Variants in C22orf15 observed in about 807,000 individuals in gnomAD.
C22orf15 encodes chromosome 22 open reading frame 15.
A neutral mutation model predicts 20.3 loss-of-function variants in C22orf15; 21 were observed. That is an observed-to-expected ratio of 1.04 (90% CI 0.74 to 1.49). The LOEUF is 1.49. Among genes scored for constraint, C22orf15 ranks in the 40% most tolerant of loss-of-function variants. The probability of loss-of-function intolerance (pLI) is 0.00; values close to 1 mark genes in which losing one functional copy is unlikely to be tolerated. For missense variants in C22orf15, 170 were observed against 191.1 expected (o/e 0.89, Z 0.65); for synonymous variants, 78 against 75.4 (o/e 1.03, Z -0.18).
At chr22:23,763,479 T>A in intron 1 of C22orf15, 148 bp downstream of exon 1, 1 of 943,748 alleles carries the variant, frequency 1.1e-6, no homozygotes, top group Non-Finnish European at 1.5e-6. Flanking sequence ...AGCGGCTCTG[T>A]GAGGAGGCGA....
rs1284405483 is a variant in C22orf15, at chr22:23,764,462, C to T, written c.250+65C>T. The T allele has an allele frequency of 3.7e-6, 6 of 1,604,930 alleles. No individual in the cohort carries two copies. In the Admixed American group the frequency reaches 6.7e-5, roughly 18 times the overall value. On this transcript the variant is annotated intron_variant, in intron 3 of 5. Coordinates refer to ENST00000402217, the MANE Select transcript of C22orf15 (RefSeq NM_182520.3). The stretch of plus-strand genomic sequence containing the variant: ...GAATGTAAGAGGGGGGCATAGCAGA[C>T]CATAGACCACCCAAGGCCCTGTCCG...
rs1168934092 is a variant in C22orf15 at position 23,763,282 on chromosome 22, C to G, written c.-25C>G. The G allele has an allele frequency of 6.5e-7, 1 of 1,550,040 alleles. No individual in the cohort carries two copies. Among genetic ancestry groups the G allele is most frequent in the East Asian group, 2.5e-5 (1 of 40,792 alleles). On this transcript the variant is annotated 5_prime_UTR_variant, in exon 1 of 6. Transcript: ENST00000402217. ...CGAGAGTTGGGGGATCAAAGCCCCC[C>G]ACATCTCCCTCACCCGCTGCAGCTA...
chr22:23,764,437 G>A (rs779941168), intron 3 of C22orf15, 40 bp downstream of exon 3: 3 of 1,600,394 alleles, frequency 1.9e-6, no homozygotes, highest in Admixed American at 3.4e-5. Context: ...AGCTATGGTA[G>A]AATGTAAGAG....
rs558924782 is a variant in C22orf15 at position 23,764,131 on chromosome 22, C to T, written c.70C>T (p.Leu24Phe). Reference protein sequence around the residue: ...LVNTSCRLVNLTAHLRQKAGL... With the variant: ...LVNTSCRLVNFTAHLRQKAGL... ...GAACACCTCTTGCAGGCTGGTGAAC[C>T]TCACCGCCCACCTGAGGCAGAAAGC... Residue 24 changes from leucine (L) to phenylalanine (F), a missense_variant, in exon 2 of 6, where the codon CTC becomes TTC. Coordinates refer to ENST00000402217, the MANE Select transcript of C22orf15 (RefSeq NM_182520.3). The T allele has an allele frequency of 6.4e-7, 1 of 1,551,406 alleles. No individual in the cohort carries two copies. Among genetic ancestry groups the T allele is most frequent in the South Asian group, 1.2e-5 (1 of 84,052 alleles).
rs1039218839 is a variant in C22orf15 at position 23,763,134 on chromosome 22, A to G, written c.-173A>G. The G allele has an allele frequency of 2.5e-6, 2 of 801,960 alleles. No homozygotes were observed. Among genetic ancestry groups the G allele is most frequent in the African/African-American group, 3.5e-5 (2 of 56,472 alleles). 49.7% of individuals were successfully genotyped at this position (801,960 alleles called of 1,614,324 possible). A position where few individuals can be genotyped will look rare whatever the true frequency, so the allele number is the denominator to read the frequency against. ...AGCTAGGCTGAAGCAGCAGAACCAC[A>G]GAGGTGGCTGAGCAGGGGCCTGGCC... On this transcript the variant is annotated 5_prime_UTR_variant, in exon 1 of 6. Transcript: ENST00000402217.
rs1925999319 is a variant in C22orf15 at position 23,763,258 on chromosome 22, G to C, written c.-49G>C. ...CACGCTTTTCCTTAGTTGGGGAATC[G>C]AGAGTTGGGGGATCAAAGCCCCCCA... is the stretch of plus-strand genomic sequence containing the variant. On this transcript the variant is annotated 5_prime_UTR_variant, in exon 1 of 6. Coordinates refer to ENST00000402217, the MANE Select transcript of C22orf15 (RefSeq NM_182520.3). 3 of 1,549,352 alleles carry C rather than the reference G, an allele frequency of 1.9e-6. No individual in the cohort carries two copies. Among genetic ancestry groups the C allele is most frequent in the Non-Finnish European group, 2.6e-6 (3 of 1,146,246 alleles).
At chr22:23,765,032 A>G in intron 5 of C22orf15, 130 bp downstream of exon 5, 1 of 1,496,520 alleles carries the variant, frequency 6.7e-7, no homozygotes, top group African/African-American at 1.4e-5. Flanking sequence ...TGAGGGGCAG[A>G]CCCTCAACAC....
Position 23,764,826 on chromosome 22 carries a change from T to C in C22orf15, c.359T>C (p.Val120Ala), listed in dbSNP as rs2145920369. 1 of 1,613,952 alleles carries C rather than the reference T, an allele frequency of 6.2e-7. No homozygotes were observed. The highest frequency in any genetic ancestry group is 1.7e-5 in the Admixed American group (1 of 60,016). ...CGCAGGCTGTCAGGCCTCTCCTCTG[T>C]GGGCCACAACTGGAGGAAGCGTATG... ...ELRRLSGLSS[V>A]GHNWRKRMGT... Residue 120 changes from valine (V) to alanine (A), a missense_variant, in exon 5 of 6, where the codon GTG becomes GCG. Transcript: ENST00000402217.
rs1926298072 is a variant in C22orf15 at position 23,764,404 on chromosome 22, T to C, written c.250+7T>C. The C allele has an allele frequency of 6.4e-7, 1 of 1,568,194 alleles. No individual in the cohort carries two copies. On this transcript the variant is annotated splice_region_variant and intron_variant, in intron 3 of 5. Coordinates refer to ENST00000402217, the MANE Select transcript of C22orf15 (RefSeq NM_182520.3). Reference sequence around the variant, plus strand: ...GTCCTCGTTCGGATCATCAGTAAGGTGGCCCAAGGTTCTCTCCCCTGCAGC... The same window carrying C: ...GTCCTCGTTCGGATCATCAGTAAGGCGGCCCAAGGTTCTCTCCCCTGCAGC...
Position 23,765,804 on chromosome 22 carries a change from A to G in C22orf15, c.*72A>G. The G allele has an allele frequency of 6.5e-7, 1 of 1,540,286 alleles. No homozygotes were observed. The highest frequency in any genetic ancestry group is 1.2e-5 in the South Asian group (1 of 83,010). On this transcript the variant is annotated 3_prime_UTR_variant, in exon 6 of 6. Transcript: ENST00000402217. ...TCATCAGCCAGGGAGCTCCCTGAAG[A>G]CAGGCCATCGAGAGAGGCACACAAC...
intron 1 of C22orf15, 128 bp downstream of exon 1, chr22:23,763,459 T>A (rs888881502): frequency 6.7e-5 from 48 of 714,028 alleles, no homozygotes; most frequent in Non-Finnish European, 8.5e-5. Context: ...ATGGCGGGGG[T>A]CGTCGGGGAA....
At chr22:23,764,754 T>C in intron 4 of C22orf15, 39 bp from the exon 5 acceptor site, 1 of 1,614,046 alleles carries the variant, frequency 6.2e-7, no homozygotes, top group Non-Finnish European at 8.5e-7. Flanking sequence ...GCACACCTTC[T>C]CCCTAACCCC....
chr22:23,765,813 C>T lies in C22orf15; in HGVS notation c.*81C>T, dbSNP rs73881809. 9.8e-6 allele frequency: 15 copies of T among 1,532,542 alleles called. No homozygotes were observed. The highest frequency in any genetic ancestry group is 2.8e-5 in the African/African-American group (2 of 72,522). 94.9% of individuals were successfully genotyped at this position (1,532,542 alleles called of 1,614,324 possible). On this transcript the variant is annotated 3_prime_UTR_variant, in exon 6 of 6. Transcript: ENST00000402217. ...AGGGAGCTCCCTGAAGACAGGCCAT[C>T]GAGAGAGGCACACAACAGGCTGTGG...
chr22:23,763,751 G>T (rs1300726031), intron 1 of C22orf15, among the ~76,000 whole-genome samples: 1 of 152,230 alleles, frequency 6.6e-6, no homozygotes, highest in African/African-American at 2.4e-5. Flanking sequence ...GAGAGGAGCC[G>T]GTGGGTGCGG....
At chr22:23,763,446 C>T (rs937568366) in intron 1 of C22orf15, 115 bp downstream of exon 1, 6 of 1,187,126 alleles carry the variant, frequency 5.1e-6, no homozygotes, top group Non-Finnish European at 6.9e-6. Flanking sequence ...GGGGGTGGTG[C>T]ACATGGCGGG....
chr22:23,764,755 C>G, intron 4 of C22orf15, 38 bp from the exon 5 acceptor site: 1 of 1,614,158 alleles, frequency 6.2e-7, no homozygotes, highest in Non-Finnish European at 8.5e-7. Flanking sequence ...CACACCTTCT[C>G]CCTAACCCCT....
rs779027015 is a variant in C22orf15 at position 23,764,859 on chromosome 22, G to C, written c.392G>C (p.Arg131Pro). ...AACTGGAGGAAGCGTATGGGCACTCGGCGAGGCCGCCATGAGCAAAGCCCC... is the reference window on the plus strand; with the variant it reads ...AACTGGAGGAAGCGTATGGGCACTCCGCGAGGCCGCCATGAGCAAAGCCCC... ...GHNWRKRMGT[R>P]RGRHEQSPTS... Residue 131 changes from arginine (R) to proline (P), a missense_variant, in exon 5 of 6, where the codon CGG becomes CCG. Arg to Pro is a moderately radical substitution (Grantham distance 103). Transcript: ENST00000402217. The C allele has an allele frequency of 1.2e-6, 2 of 1,613,672 alleles. No homozygotes were observed. Among genetic ancestry groups the C allele is most frequent in the South Asian group, 1.1e-5 (1 of 91,084 alleles).
At chr22:23,764,739 G>A (rs1392227102) in intron 4 of C22orf15, 26 bp downstream of exon 4, 3 of 1,614,042 alleles carry the variant, frequency 1.9e-6, no homozygotes, top group Admixed American at 1.7e-5. Context: ...CAGCCCAGGG[G>A]GAGGGCACAC....
chr22:23,765,608 A>T (rs1464120488), intron 5 of C22orf15, 113 bp from the exon 6 acceptor site: 2 of 1,514,584 alleles, frequency 1.3e-6, no homozygotes, highest in Admixed American at 4.1e-5. Flanking sequence ...TCAGAGTCAG[A>T]TGCCCTTGGG....
Sources: allele counts gnomAD v4.1 joint callset (sites outside exome capture counted in the v4.1 genomes callset), GRCh38; gene constraint gnomAD v4.1.1; transcripts MANE v1.5; gene names NCBI Gene and HGNC (gene_info 2026-07-23, HGNC 2026-07-21).